Variants in GDPD4 observed in about 807,000 individuals in gnomAD.
The protein encoded by GDPD4 is glycerophosphodiester phosphodiesterase 6.
GDPD4 carries 60 observed loss-of-function variants against 67.8 expected under a neutral mutation model. That is an observed-to-expected ratio of 0.88 (90% CI 0.72 to 1.10). The LOEUF (loss-of-function observed/expected upper bound fraction) is 1.10. Among genes scored for constraint, GDPD4 ranks in the 50% least tolerant of loss-of-function variants. The pLI is 0.00. For missense variants in GDPD4, 623 were observed against 613.9 expected (o/e 1.01, Z -0.16); for synonymous variants, 212 against 210.9 (o/e 1.00, Z -0.04).
intron 13 of GDPD4, among the ~76,000 whole-genome samples, chr11:77,240,272 G>C (rs1958637485): frequency 6.6e-6 from 1 of 152,132 alleles, no homozygotes. Context: ...AAACAGCATG[G>C]TAATGGCATA....
At chr11:77,279,505 G>C (rs1361005009) in intron 3 of GDPD4, 106 bp from the exon 4 acceptor site, 1 of 642,726 alleles carries the variant, frequency 1.6e-6, no homozygotes, top group Non-Finnish European at 2.8e-6. Context: ...CAAATGTAGG[G>C]AGATAAAAAG....
At chr11:77,254,249 G>A (rs548871756) in intron 11 of GDPD4, among the ~76,000 whole-genome samples, 2 of 152,244 alleles carry the variant, frequency 1.3e-5, no homozygotes, top group Admixed American at 1.3e-4. Flanking sequence ...GCTGTTGCTG[G>A]GGGCTGCTGG....
intron 11 of GDPD4, among the ~76,000 whole-genome samples, chr11:77,257,469 G>C (rs1160491020): frequency 6.6e-6 from 1 of 151,172 alleles, no homozygotes; most frequent in Non-Finnish European, 1.5e-5. Context: ...ATGTTTTCCA[G>C]ATTATTCTCC....
chr11:77,248,841 C>T (rs1347891548), intron 11 of GDPD4, among the ~76,000 whole-genome samples: 3 of 151,178 alleles, frequency 2.0e-5, no homozygotes, highest in African/African-American at 7.3e-5. Flanking sequence ...CCTGCCTCAG[C>T]CTCCCGAGTA....
chr11:77,227,547 CCTCT>C (rs1295998471), intron 16 of GDPD4, among the ~76,000 whole-genome samples: 1 of 152,198 alleles, frequency 6.6e-6, no homozygotes, highest in African/African-American at 2.4e-5. Flanking sequence ...ATCTTCAGCC[CCTCT>C]CTAAGTGCCT....
intron 13 of GDPD4, among the ~76,000 whole-genome samples, chr11:77,243,380 C>T (rs904500247): frequency 1.8e-4 from 28 of 152,128 alleles, no homozygotes; most frequent in Admixed American, 1.3e-3. Context: ...GACTTTTCAA[C>T]GTCCACCTTT....
intron 5 of GDPD4, among the ~76,000 whole-genome samples, chr11:77,272,921 A>G (rs554189766): frequency 1.3e-5 from 2 of 152,260 alleles, no homozygotes; most frequent in African/African-American, 4.8e-5. Flanking sequence ...ATGAAGAAAC[A>G]TTGCTTCACA....
chr11:77,279,466 G>A, intron 3 of GDPD4, 67 bp from the exon 4 acceptor site: 1 of 942,636 alleles, frequency 1.1e-6, no homozygotes, highest in Non-Finnish European at 1.7e-6. Context: ...TCAAGGATGG[G>A]GACAAAACCA....
Position 77,251,269 on chromosome 11 carries a change from A to ATT in GDPD4, c.865-5769_865-5768dup, listed in dbSNP as rs539891008. On this transcript the variant is annotated intron_variant, in intron 11 of 16. Coordinates refer to ENST00000315938, the MANE Select transcript of GDPD4 (RefSeq NM_182833.3). ...GGTCTTCTGTAGTATAAAAGGTTTG[A>ATT]TTTTTTTTTCTCTCTCTCCTTTGCC... Among the ~76,000 whole-genome samples the ATT allele has an allele frequency of 3.4e-3, 511 of 150,342 alleles. 1 individual carries two copies. Among genetic ancestry groups the ATT allele is most frequent in the African/African-American group, 0.012 (475 of 40,978 alleles).
chr11:77,229,142 A>C lies in GDPD4; in HGVS notation c.1472+8T>G, dbSNP rs1377785102. 1 of 1,404,370 alleles carries C rather than the reference A, an allele frequency of 7.1e-7. No individual in the cohort carries two copies. The highest frequency in any genetic ancestry group is 1.0e-6 in the Non-Finnish European group (1 of 1,004,274). 87.0% of individuals were successfully genotyped at this position (1,404,370 alleles called of 1,614,324 possible). A position where few individuals can be genotyped will look rare whatever the true frequency, so the allele number is the denominator to read the frequency against. ...AAAAAATTCATTTAAAATTATATAT[A>C]TACTTACCAGTGAAAACAAAATATG... is the stretch of plus-strand genomic sequence containing the variant. On this transcript the variant is annotated splice_region_variant and intron_variant, in intron 15 of 16. Transcript: ENST00000315938.
At chr11:77,220,408 G>C (rs1591522672) in intron 16 of GDPD4, among the ~76,000 whole-genome samples, 1 of 152,218 alleles carries the variant, frequency 6.6e-6, no homozygotes, top group East Asian at 1.9e-4. Context: ...AGAGTTTTTA[G>C]CATGAAGGGC....
chr11:77,227,788 T>C (rs1958371851), intron 16 of GDPD4, 76 bp downstream of exon 16: 1 of 751,442 alleles, frequency 1.3e-6, no homozygotes, highest in Admixed American at 2.0e-5. Flanking sequence ...GTCAGGGACA[T>C]GAAAAGCTGC....
At chr11:77,219,205 G>A (rs1958181660) in intron 16 of GDPD4, among the ~76,000 whole-genome samples, 1 of 152,300 alleles carries the variant, frequency 6.6e-6, no homozygotes, top group South Asian at 2.1e-4. Context: ...AGAAGTGTCT[G>A]TTCATATCCT....
intron 1 of GDPD4, among the ~76,000 whole-genome samples, chr11:77,293,014 G>GA (rs1374619661): frequency 4.0e-5 from 6 of 151,116 alleles, no homozygotes; most frequent in East Asian, 3.9e-4. Context: ...TCAAGAAAAA[G>GA]AAAAAAAACA....
chr11:77,279,771 CT>C (rs1959669881), intron 3 of GDPD4, among the ~76,000 whole-genome samples: 1 of 151,978 alleles, frequency 6.6e-6, no homozygotes, highest in African/African-American at 2.4e-5. Context: ...TGGCAGGCTC[CT>C]TGTCCACATG....
At chr11:77,287,911 T>C (rs1182863317) in intron 1 of GDPD4, among the ~76,000 whole-genome samples, 1 of 152,224 alleles carries the variant, frequency 6.6e-6, no homozygotes. Flanking sequence ...TTATGAATGA[T>C]GGAATCTTCA....
rs192260686 is a variant in GDPD4 at position 77,258,628 on chromosome 11, A to G, written c.708-86T>C. On this transcript the variant is annotated intron_variant, in intron 10 of 16. Transcript: ENST00000315938. Reference sequence around the variant, plus strand: ...GACAGGCTCCCCAGACAGTCCTTCAAGGTCACAAGTGTCACTAGGGCTCCT... The same window carrying G: ...GACAGGCTCCCCAGACAGTCCTTCAGGGTCACAAGTGTCACTAGGGCTCCT... 1.8e-3 allele frequency: 2,334 copies of G among 1,270,504 alleles called. 48 individuals carry two copies. The African/African-American group carries it at 0.031, about 17-fold the overall frequency. The allele number at this position is 1,270,504 out of a possible 1,614,324, so 78.7% of individuals were successfully genotyped here. A position where few individuals can be genotyped will look rare whatever the true frequency, so the allele number is the denominator to read the frequency against.
intron 7 of GDPD4, 108 bp downstream of exon 7, chr11:77,271,022 A>G (rs982801878): frequency 9.6e-6 from 7 of 730,852 alleles, no homozygotes; most frequent in African/African-American, 9.0e-5. Context: ...ATGAATTTCA[A>G]CGAGGCATAG....
Position 77,245,499 on chromosome 11 carries a change from T to C in GDPD4, c.868A>G (p.Arg290Gly). ...AGKWFVKPELRPFYNMKPLSE... is the reference protein window; with the variant it reads ...AGKWFVKPELGPFYNMKPLSE... ...AGAGGTTTCATATTGTAAAATGGCC[T>C]GAGCTAGAAACAAATACATCAAAAA... Residue 290 changes from arginine to glycine, a missense_variant, in exon 12 of 17, where the codon AGG (arginine) becomes GGG (glycine). Physicochemically the swap from Arg to Gly is moderately radical, Grantham distance 125. Coordinates refer to ENST00000315938, the MANE Select transcript of GDPD4 (RefSeq NM_182833.3). The C allele has an allele frequency of 6.2e-7, 1 of 1,611,096 alleles. No homozygotes were observed. Among genetic ancestry groups the C allele is most frequent in the Non-Finnish European group, 8.5e-7 (1 of 1,177,608 alleles).
Sources: gnomAD v4.1 joint callset for allele counts (sites outside exome capture counted in the v4.1 genomes callset) on GRCh38, gnomAD v4.1.1 for gene constraint, MANE v1.5 for transcripts, NCBI Gene and HGNC (gene_info 2026-07-23, HGNC 2026-07-21) for gene names.